SHROOM3: variants seen among roughly 807,000 people sequenced by gnomAD.
The protein encoded by SHROOM3 is protein Shroom3.
SHROOM3 carries 47 observed loss-of-function variants against 138.6 expected under a neutral mutation model. The observed-to-expected ratio is 0.34, with a 90% CI of 0.27 to 0.43. SHROOM3 has a LOEUF of 0.43. Ranked by LOEUF, SHROOM3 falls within the 20% of genes least tolerant of loss-of-function variation. The pLI, the probability that SHROOM3 is intolerant of heterozygous loss-of-function variation, is 1.00. For missense variants in SHROOM3, 2,491 were observed against 2,596.5 expected (o/e 0.96, Z 0.88); for synonymous variants, 1,062 against 1,063.3 (o/e 1.00, Z 0.02).
chr4:76,689,595 C>T, intron 2 of SHROOM3: 3 of 985,084 alleles, frequency 3.0e-6, no homozygotes, highest in Non-Finnish European at 3.6e-6. Context: ...TGGGCCCCGC[C>T]GGCGATGCCG....
At chr4:76,623,926 C>T (rs148334013) in intron 2 of SHROOM3, among the ~76,000 whole-genome samples, 2 of 152,302 alleles carry the variant, frequency 1.3e-5, no homozygotes, top group African/African-American at 4.8e-5. Context: ...CTAAAGCATA[C>T]AGTGGAGATG....
chr4:76,515,516 ATTG>A (rs1208505170), intron 1 of SHROOM3, among the ~76,000 whole-genome samples: 1 of 152,100 alleles, frequency 6.6e-6, no homozygotes, highest in African/African-American at 2.4e-5. Context: ...TCAGAATGTT[ATTG>A]TTATTATTAT....
chr4:76,692,730 C>T (rs963219115), intron 2 of SHROOM3, among the ~76,000 whole-genome samples: 1 of 152,118 alleles, frequency 6.6e-6, no homozygotes, highest in African/African-American at 2.4e-5. Flanking sequence ...CTCAAGAGCA[C>T]GTTAACTGAA....
chr4:76,551,181 G>A (rs1434468186), intron 1 of SHROOM3, among the ~76,000 whole-genome samples: 2 of 151,860 alleles, frequency 1.3e-5, no homozygotes, highest in Admixed American at 6.6e-5. Context: ...AATTCTAAAA[G>A]TGCAGTGCAA....
chr4:76,727,257 T>C (rs909824922), intron 3 of SHROOM3, among the ~76,000 whole-genome samples: 7 of 152,226 alleles, frequency 4.6e-5, no homozygotes, highest in African/African-American at 1.7e-4. Flanking sequence ...GCTGGGCTTT[T>C]GCTATGTGAT....
intron 2 of SHROOM3, among the ~76,000 whole-genome samples, chr4:76,561,775 A>C (rs28414952): frequency 0.83 from 125,985 of 151,576 alleles, 52,527 homozygotes; most frequent in African/African-American, 0.89. Context: ...TTTGGAAGGC[A>C]AAGGCAGGCA....
chr4:76,491,742 C>T (rs1731855185), intron 1 of SHROOM3, among the ~76,000 whole-genome samples: 1 of 152,126 alleles, frequency 6.6e-6, no homozygotes, highest in South Asian at 2.1e-4. Flanking sequence ...AAAGCACCCC[C>T]CAACCCTGGT....
At chr4:76,680,068 T>C (rs373323982) in intron 2 of SHROOM3, among the ~76,000 whole-genome samples, 6 of 152,134 alleles carry the variant, frequency 3.9e-5, no homozygotes, top group African/African-American at 1.2e-4. Context: ...AAAAACACTT[T>C]CTCCAGCGCA....
intron 2 of SHROOM3, among the ~76,000 whole-genome samples, chr4:76,624,713 G>A (rs993868293): frequency 3.3e-5 from 5 of 152,168 alleles, no homozygotes; most frequent in Non-Finnish European, 2.9e-5. Context: ...ATGAATCAAT[G>A]TGTTAACATC....
chr4:76,545,268 T>C (rs1733189120), intron 1 of SHROOM3, among the ~76,000 whole-genome samples: 1 of 152,204 alleles, frequency 6.6e-6, no homozygotes, highest in Non-Finnish European at 1.5e-5. Context: ...GAACTTTTCT[T>C]AAGGCACTGA....
chr4:76,541,623 G>GCACAAACACACA (rs751594734), intron 1 of SHROOM3, among the ~76,000 whole-genome samples: 8 of 140,042 alleles, frequency 5.7e-5, no homozygotes, highest in African/African-American at 2.0e-4. Flanking sequence ...ACATATGTGG[G>GCACAAACACACA]CGCACACACA....
chr4:76,542,490 A>T (rs1448879004), intron 1 of SHROOM3, among the ~76,000 whole-genome samples: 1 of 152,238 alleles, frequency 6.6e-6, no homozygotes, highest in African/African-American at 2.4e-5. Flanking sequence ...GGCCAAATAT[A>T]ATCACAAAGA....
intron 2 of SHROOM3, among the ~76,000 whole-genome samples, chr4:76,629,577 C>T (rs575304057): frequency 6.6e-6 from 1 of 152,316 alleles, no homozygotes; most frequent in South Asian, 2.1e-4. Flanking sequence ...GAGGCTGTGG[C>T]ACGGATCCAG....
chr4:76,569,711 T>TC (rs1553924380), intron 2 of SHROOM3, among the ~76,000 whole-genome samples: 188 of 151,890 alleles, frequency 1.2e-3, no homozygotes, highest in African/African-American at 3.9e-3. Context: ...TTTTTTTTTT[T>TC]CCCCTCAAAG....
intron 1 of SHROOM3, among the ~76,000 whole-genome samples, chr4:76,477,985 C>A (rs539310581): frequency 5.9e-4 from 90 of 152,172 alleles, no homozygotes; most frequent in Non-Finnish European, 1.1e-3. Flanking sequence ...AACCCACAGA[C>A]CAGGAGACTC....
chr4:76,754,282 G>T, intron 6 of SHROOM3, 29 bp from the exon 7 acceptor site: 1 of 1,613,984 alleles, frequency 6.2e-7, no homozygotes, highest in Non-Finnish European at 8.5e-7. Context: ...CTTCAGAGCT[G>T]TAACCCTCCT....
intron 2 of SHROOM3, among the ~76,000 whole-genome samples, chr4:76,613,557 G>A (rs1407656401): frequency 6.6e-6 from 1 of 152,128 alleles, no homozygotes; most frequent in Non-Finnish European, 1.5e-5. Flanking sequence ...AGTGGTCTTG[G>A]GAACATACTA....
intron 2 of SHROOM3, among the ~76,000 whole-genome samples, chr4:76,605,913 T>TTC (rs1287814722): frequency 1.1e-3 from 158 of 141,834 alleles, no homozygotes; most frequent in Middle Eastern, 3.7e-3. Flanking sequence ...AGGCACAATT[T>TTC]TCTCTCTCTC....
chr4:76,562,812 T>C (rs921416951), intron 2 of SHROOM3, among the ~76,000 whole-genome samples: 1 of 152,240 alleles, frequency 6.6e-6, no homozygotes. Flanking sequence ...TATTAAAAGC[T>C]TTAAAAGCAA....
Sources: allele counts gnomAD v4.1 joint callset (sites outside exome capture counted in the v4.1 genomes callset), GRCh38; gene constraint gnomAD v4.1.1; transcripts MANE v1.5; gene names NCBI Gene and HGNC (gene_info 2026-07-23, HGNC 2026-07-21).